Variants in SLC26A8 observed in about 807,000 individuals in gnomAD.
SLC26A8 encodes the protein solute carrier family 26 member 8, also known as testis anion transporter 1.
Under a neutral mutation model 105.0 loss-of-function variants are expected in SLC26A8, and 70 were observed. The ratio of observed to expected loss-of-function variants is 0.67; its 90% CI spans 0.55 to 0.81. The LOEUF (loss-of-function observed/expected upper bound fraction) is 0.81. Among genes scored for constraint, SLC26A8 ranks in the 40% least tolerant of loss-of-function variants. The pLI, the probability that SLC26A8 is intolerant of heterozygous loss-of-function variation, is 0.00. For missense variants in SLC26A8, 998 were observed against 1,181.8 expected (o/e 0.84, Z 2.28); for synonymous variants, 415 against 438.3 (o/e 0.95, Z 0.66).
chr6:35,976,842 C>T (rs58334434), intron 9 of SLC26A8, among the ~76,000 whole-genome samples: 3,603 of 152,190 alleles, frequency 0.024, 57 homozygotes, highest in Non-Finnish European at 0.036. Flanking sequence ...CTACTCCTGG[C>T]CCAACCCTGG....
chr6:36,012,816 G>T (rs1264524400), intron 2 of SLC26A8, among the ~76,000 whole-genome samples: 1 of 152,224 alleles, frequency 6.6e-6, no homozygotes, highest in African/African-American at 2.4e-5. Context: ...AAAATGGACT[G>T]CTGTTGTTTT....
At chr6:35,958,328 C>T (rs184685937) in intron 16 of SLC26A8, among the ~76,000 whole-genome samples, 3 of 151,868 alleles carry the variant, frequency 2.0e-5, no homozygotes, top group Non-Finnish European at 2.9e-5. Context: ...GGTGAAACCC[C>T]GATCTCTACT....
intron 5 of SLC26A8, among the ~76,000 whole-genome samples, chr6:35,995,279 T>C (rs1221537536): frequency 6.6e-6 from 1 of 152,170 alleles, no homozygotes; most frequent in Non-Finnish European, 1.5e-5. Context: ...AGTGTTAACA[T>C]AATATTCTAG....
chr6:35,947,191 G>A (rs1771706644), intron 19 of SLC26A8, among the ~76,000 whole-genome samples: 3 of 152,006 alleles, frequency 2.0e-5, no homozygotes, highest in African/African-American at 7.2e-5. Flanking sequence ...AGCATGCCCA[G>A]CTAATTTTTT....
intron 19 of SLC26A8, among the ~76,000 whole-genome samples, chr6:35,944,548 A>T (rs116812146): frequency 0.02 from 2,913 of 148,054 alleles, 56 homozygotes; most frequent in African/African-American, 0.046. Flanking sequence ...TAATAATAAT[A>T]ATTATTATTA....
intron 7 of SLC26A8, among the ~76,000 whole-genome samples, chr6:35,983,850 T>C (rs944849148): frequency 6.6e-6 from 1 of 152,122 alleles, no homozygotes; most frequent in African/African-American, 2.4e-5. Flanking sequence ...CCACTGTGCC[T>C]GGCCGAGTCT....
rs1205249754 is a variant in SLC26A8 at position 35,943,529 on chromosome 6, A to T, written c.*371T>A. 4.8e-6 allele frequency: 1 copy of T among 209,052 alleles called. No individual in the cohort carries two copies. Among genetic ancestry groups the T allele is most frequent in the Non-Finnish European group, 9.8e-6 (1 of 102,532 alleles). 12.9% of individuals were successfully genotyped at this position (209,052 alleles called of 1,614,324 possible). ...AGGATCCAAATGTTACTAGAGTTATACATTTTATTTGAGCTTCATCTCTTT... is the reference window on the plus strand; with the variant it reads ...AGGATCCAAATGTTACTAGAGTTATTCATTTTATTTGAGCTTCATCTCTTT... On this transcript the variant is annotated 3_prime_UTR_variant, in exon 20 of 20. Coordinates refer to ENST00000490799, the MANE Select transcript of SLC26A8 (RefSeq NM_052961.4).
At chr6:36,001,159 T>G (rs851051) in intron 3 of SLC26A8, among the ~76,000 whole-genome samples, 5 of 151,700 alleles carry the variant, frequency 3.3e-5, no homozygotes, top group Non-Finnish European at 7.4e-5. Context: ...GACGGAGTCT[T>G]GCTCTGTTGC....
intron 17 of SLC26A8, chr6:35,954,913 C>A (rs1771997033): frequency 1.4e-5 from 6 of 427,072 alleles, no homozygotes; most frequent in Non-Finnish European, 2.6e-5. Context: ...CCACTGCACT[C>A]CAGCCTGGGC....
chr6:35,946,147 T>A (rs1197977724), intron 19 of SLC26A8, among the ~76,000 whole-genome samples: 1 of 152,236 alleles, frequency 6.6e-6, no homozygotes, highest in South Asian at 2.1e-4. Flanking sequence ...TCTTTGGTTA[T>A]AACCCTTCCC....
chr6:36,018,357 T>C (rs1762046608), intron 2 of SLC26A8, among the ~76,000 whole-genome samples: 1 of 152,234 alleles, frequency 6.6e-6, no homozygotes, highest in Non-Finnish European at 1.5e-5. Flanking sequence ...TAATACATGC[T>C]ACAATATGGA....
intron 3 of SLC26A8, among the ~76,000 whole-genome samples, chr6:36,005,929 T>C (rs1761672212): frequency 6.6e-6 from 1 of 152,244 alleles, no homozygotes; most frequent in African/African-American, 2.4e-5. Context: ...CAGCACCTTT[T>C]TAATAAGGTC....
chr6:35,975,338 G>A (rs371312800), intron 10 of SLC26A8, 37 bp downstream of exon 10: 8 of 1,183,424 alleles, frequency 6.8e-6, no homozygotes, highest in African/African-American at 1.5e-5. Flanking sequence ...ATATGAATAT[G>A]TTTATGTATT....
chr6:35,949,768 T>G (rs1273196276), intron 19 of SLC26A8, among the ~76,000 whole-genome samples: 1 of 151,012 alleles, frequency 6.6e-6, no homozygotes, highest in Non-Finnish European at 1.5e-5. Flanking sequence ...TAACTAGTTG[T>G]TTTTTTATTA....
At chr6:35,964,757 G>A (rs938091062) in intron 11 of SLC26A8, among the ~76,000 whole-genome samples, 1 of 152,020 alleles carries the variant, frequency 6.6e-6, no homozygotes, top group African/African-American at 2.4e-5. Flanking sequence ...TTTGAGGTCA[G>A]GAGCTCAAGA....
At chr6:36,020,787 T>TA (rs1762110254) in intron 1 of SLC26A8, among the ~76,000 whole-genome samples, 1 of 152,142 alleles carries the variant, frequency 6.6e-6, no homozygotes, top group Non-Finnish European at 1.5e-5. Context: ...CACATAAATG[T>TA]AAAAAAGCAT....
At position 35,959,710 on chromosome 6, in the gene SLC26A8, A is replaced by G. The variant is rs1305764382; in HGVS notation, c.1731+4T>C. 1.9e-6 allele frequency: 3 copies of G among 1,607,284 alleles called. No homozygotes were observed. The Admixed American group carries it at 5.2e-5, about 28-fold the overall frequency. ...TTGAGAAAGGCGGGCAGGAGGGCAG[A>G]TACCTCTTTTAACAGCTTATGCTTT... is the stretch of plus-strand genomic sequence containing the variant. On this transcript the variant is annotated splice_donor_region_variant and intron_variant, in intron 15 of 19. Coordinates refer to ENST00000490799, the MANE Select transcript of SLC26A8 (RefSeq NM_052961.4).
intron 8 of SLC26A8, among the ~76,000 whole-genome samples, chr6:35,978,146 G>GAAA (rs199662420): frequency 1.5e-5 from 1 of 65,740 alleles, no homozygotes; most frequent in Non-Finnish European, 3.5e-5. Flanking sequence ...AGCACAAGAA[G>GAAA]AAAAAAAAAA....
intron 16 of SLC26A8, among the ~76,000 whole-genome samples, chr6:35,956,833 C>G (rs1376091638): frequency 6.6e-6 from 1 of 150,404 alleles, no homozygotes; most frequent in African/African-American, 2.5e-5. Context: ...GCAGGAGAAT[C>G]GCTTGAACCC....
Sources: allele counts gnomAD v4.1 joint callset (sites outside exome capture counted in the v4.1 genomes callset), GRCh38; gene constraint gnomAD v4.1.1; transcripts MANE v1.5; gene names NCBI Gene and HGNC (gene_info 2026-07-23, HGNC 2026-07-21).